Variants in TTC29 observed in about 807,000 individuals in gnomAD.
TTC29 encodes the protein tetratricopeptide repeat protein 29.
A neutral mutation model predicts 58.1 loss-of-function variants in TTC29; 49 were observed. That is an observed-to-expected ratio of 0.84 (90% CI 0.67 to 1.07). The LOEUF (loss-of-function observed/expected upper bound fraction) is 1.07, where lower values mean the gene tolerates loss of function less well. Among genes scored for constraint, TTC29 ranks in the 50% least tolerant of loss-of-function variants. TTC29 has a pLI of 0.00. For synonymous variants in TTC29, 209 were observed against 196.8 expected (o/e 1.06, Z -0.52); for missense variants, 582 against 555.6 (o/e 1.05, Z -0.48).
chr4:146,830,957 G>C (rs1381898884), intron 9 of TTC29, among the ~76,000 whole-genome samples: 1 of 152,094 alleles, frequency 6.6e-6, no homozygotes, highest in Non-Finnish European at 1.5e-5. Flanking sequence ...TAGAATTTTA[G>C]GTTTGGAAAA....
intron 8 of TTC29, among the ~76,000 whole-genome samples, chr4:146,846,072 C>G (rs1021959206): frequency 4.0e-5 from 6 of 151,794 alleles, no homozygotes; most frequent in Non-Finnish European, 7.4e-5. Context: ...ATGGCTATAA[C>G]AAACCATTGT....
At chr4:146,764,935 T>C (rs555835124) in intron 11 of TTC29, among the ~76,000 whole-genome samples, 4 of 152,290 alleles carry the variant, frequency 2.6e-5, no homozygotes, top group African/African-American at 9.6e-5. Flanking sequence ...ATGATGATCA[T>C]CAGTTTGCTG....
At chr4:146,893,336 T>C (rs955432595) in intron 6 of TTC29, among the ~76,000 whole-genome samples, 58 of 152,256 alleles carry the variant, frequency 3.8e-4, no homozygotes, top group African/African-American at 1.2e-3. Context: ...AACAGACATA[T>C]AGACCAATGG....
intron 11 of TTC29, among the ~76,000 whole-genome samples, chr4:146,728,785 GTATATATACGTA>G (rs1744021318): frequency 2.5e-5 from 3 of 119,268 alleles, no homozygotes; most frequent in South Asian, 2.4e-4. Context: ...ATATATATGT[GTATATATACGTA>G]TATATACACA....
At chr4:146,790,300 T>C (rs915366554) in intron 11 of TTC29, among the ~76,000 whole-genome samples, 10 of 152,038 alleles carry the variant, frequency 6.6e-5, no homozygotes, top group Non-Finnish European at 1.2e-4. Flanking sequence ...GCCATTCTCC[T>C]GCCTCAGCCT....
chr4:146,770,981 G>A (rs1747683166), intron 11 of TTC29, among the ~76,000 whole-genome samples: 1 of 152,014 alleles, frequency 6.6e-6, no homozygotes, highest in Admixed American at 6.6e-5. Context: ...CTCAATAAAT[G>A]TTAGTCATTA....
At chr4:146,841,624 TC>T (rs1364807568) in intron 8 of TTC29, among the ~76,000 whole-genome samples, 3 of 151,998 alleles carry the variant, frequency 2.0e-5, no homozygotes, top group African/African-American at 7.2e-5. Flanking sequence ...TTGCCACCCT[TC>T]CCATTGTTCT....
At chr4:146,833,254 G>A (rs1728284866) in intron 9 of TTC29, among the ~76,000 whole-genome samples, 1 of 152,178 alleles carries the variant, frequency 6.6e-6, no homozygotes, top group Admixed American at 6.5e-5. Context: ...AATGACTGAA[G>A]GGTGAATGAT....
chr4:146,768,783 G>T (rs1388854002), intron 11 of TTC29, among the ~76,000 whole-genome samples: 1 of 151,990 alleles, frequency 6.6e-6, no homozygotes, highest in Non-Finnish European at 1.5e-5. Context: ...ACCTCAATCT[G>T]ATTTTGCTAC....
At chr4:146,769,605 CTGTAAGT>C (rs1374028730) in intron 11 of TTC29, among the ~76,000 whole-genome samples, 3 of 151,988 alleles carry the variant, frequency 2.0e-5, no homozygotes, top group Admixed American at 6.6e-5. Context: ...CCCACTTCTG[CTGTAAGT>C]TAAGCAATAC....
intron 10 of TTC29, among the ~76,000 whole-genome samples, chr4:146,819,489 G>A (rs1381970422): frequency 1.3e-5 from 2 of 152,132 alleles, no homozygotes; most frequent in Non-Finnish European, 2.9e-5. Flanking sequence ...ATTTCTAAAG[G>A]AGAATCGGTA....
chr4:146,930,553 A>G (rs2150317519), intron 4 of TTC29, among the ~76,000 whole-genome samples: 1 of 152,354 alleles, frequency 6.6e-6, no homozygotes, highest in Admixed American at 6.5e-5. Context: ...TATAGAAAAC[A>G]GAACAGGATA....
chr4:146,742,156 C>A (rs779111011), intron 11 of TTC29, among the ~76,000 whole-genome samples: 2 of 152,160 alleles, frequency 1.3e-5, no homozygotes, highest in African/African-American at 2.4e-5. Flanking sequence ...ATGAACCCTG[C>A]CTCCATGGAG....
intron 11 of TTC29, among the ~76,000 whole-genome samples, chr4:146,727,267 TATACC>T (rs955254943): frequency 3.3e-5 from 5 of 152,162 alleles, no homozygotes; most frequent in Non-Finnish European, 7.3e-5. Context: ...AGAGTTCCCA[TATACC>T]ATGCACAGTC....
At chr4:146,754,105 G>C (rs1746244759) in intron 11 of TTC29, among the ~76,000 whole-genome samples, 2 of 150,870 alleles carry the variant, frequency 1.3e-5, no homozygotes, top group African/African-American at 4.9e-5. Flanking sequence ...TGGTAAATCT[G>C]TTTGTTAAAT....
At chr4:146,917,387 C>T (rs1216457504) in intron 4 of TTC29, among the ~76,000 whole-genome samples, 1 of 148,496 alleles carries the variant, frequency 6.7e-6, no homozygotes, top group African/African-American at 2.4e-5. Context: ...TATGACTAAT[C>T]ATATAATTTA....
intron 11 of TTC29, among the ~76,000 whole-genome samples, chr4:146,762,750 G>C (rs1747005884): frequency 6.6e-6 from 1 of 151,646 alleles, no homozygotes; most frequent in South Asian, 2.1e-4. Flanking sequence ...TACTACTAAG[G>C]GATATAACCG....
chr4:146,883,767 C>T (rs193149004), intron 6 of TTC29, among the ~76,000 whole-genome samples: 113 of 151,986 alleles, frequency 7.4e-4, no homozygotes, highest in Admixed American at 4.5e-3. Flanking sequence ...GCTTCCTCTC[C>T]GTGCTACTCG....
At chr4:146,934,901 G>C (rs1735656388) in intron 4 of TTC29, among the ~76,000 whole-genome samples, 1 of 152,080 alleles carries the variant, frequency 6.6e-6, no homozygotes, top group African/African-American at 2.4e-5. Context: ...TAAGTATGGG[G>C]GCTGGAAACC....
Sources: allele counts gnomAD v4.1 joint callset (sites outside exome capture counted in the v4.1 genomes callset), GRCh38; gene constraint gnomAD v4.1.1; transcripts MANE v1.5; gene names NCBI Gene and HGNC (gene_info 2026-07-23, HGNC 2026-07-21).